Variants in ANK3 observed in about 807,000 individuals in gnomAD.
ANK3 encodes ankyrin-3.
ANK3 carries 57 observed loss-of-function variants against 370.9 expected under a neutral mutation model. The ratio of observed to expected loss-of-function variants is 0.15; its 90% CI spans 0.12 to 0.19. The LOEUF is 0.19. Among genes scored for constraint, ANK3 ranks in the 10% least tolerant of loss-of-function variants. The pLI is 1.00. For missense variants in ANK3, 4,439 were observed against 5,302.1 expected (o/e 0.84, Z 5.06); for synonymous variants, 1,929 against 1,946.3 (o/e 0.99, Z 0.23).
At chr10:60,195,715 A>C (rs2096576321) in intron 16 of ANK3, among the ~76,000 whole-genome samples, 1 of 152,250 alleles carries the variant, frequency 6.6e-6, no homozygotes, top group Non-Finnish European at 1.5e-5. Context: ...GATCCTCCTT[A>C]GCAATAATAA....
chr10:60,298,314 G>A (rs1003004921), intron 1 of ANK3, among the ~76,000 whole-genome samples: 1 of 152,052 alleles, frequency 6.6e-6, no homozygotes, highest in Non-Finnish European at 1.5e-5. Flanking sequence ...ACCACAAGCC[G>A]AACAGAAGCA....
intron 7 of ANK3, among the ~76,000 whole-genome samples, chr10:60,256,833 A>G (rs2097745497): frequency 6.6e-6 from 1 of 152,214 alleles, no homozygotes; most frequent in Non-Finnish European, 1.5e-5. Context: ...GTGGTACTCC[A>G]TAGTATATAT....
intron 1 of ANK3, among the ~76,000 whole-genome samples, chr10:60,384,662 T>C (rs945015437): frequency 7.2e-5 from 11 of 152,134 alleles, no homozygotes; most frequent in Non-Finnish European, 1.5e-4. Flanking sequence ...AAAAATACTT[T>C]CTCTTCTCAA....
intron 28 of ANK3, among the ~76,000 whole-genome samples, chr10:60,105,418 A>G (rs2132084417): frequency 6.6e-6 from 1 of 152,274 alleles, no homozygotes; most frequent in Non-Finnish European, 1.5e-5. Flanking sequence ...GACCCCAATA[A>G]TTACCCTGAA....
At chr10:60,350,830 G>T (rs1193638114) in intron 1 of ANK3, among the ~76,000 whole-genome samples, 4 of 152,154 alleles carry the variant, frequency 2.6e-5, no homozygotes, top group Non-Finnish European at 5.9e-5. Flanking sequence ...GTGGACAAAG[G>T]TAATGATGCT....
At chr10:60,262,895 C>G (rs1011082181) in intron 6 of ANK3, among the ~76,000 whole-genome samples, 12 of 152,162 alleles carry the variant, frequency 7.9e-5, no homozygotes, top group African/African-American at 2.9e-4. Context: ...TCAAGGATTC[C>G]TCATCTCTTT....
intron 8 of ANK3, among the ~76,000 whole-genome samples, chr10:60,219,227 G>T (rs1479872154): frequency 6.6e-6 from 1 of 151,852 alleles, no homozygotes; most frequent in Non-Finnish European, 1.5e-5. Context: ...TTTAGAACAT[G>T]CTCCTTTAGC....
In ANK3 at chr10:60,134,354, C is replaced by G; in HGVS notation, c.2758G>C (p.Asp920His). 3 of 1,613,480 alleles carry G rather than the reference C, an allele frequency of 1.9e-6. No homozygotes were observed. Among genetic ancestry groups the G allele is most frequent in the Non-Finnish European group, 2.5e-6 (3 of 1,179,768 alleles). ...RSASLRSFSSDRSYTLNRSSY... is the reference protein window; with the variant it reads ...RSASLRSFSSHRSYTLNRSSY... ...CTTCTGTTCAAGGTGTAAGACCTAT[C>G]CGAACTGAAGGAGCGGAGGCTGTTG... is the stretch of plus-strand genomic sequence containing the variant. The change falls in exon 25 of 44, where the codon GAT (aspartate) becomes CAT (histidine). Residue 920 changes from aspartate (D) to histidine (H), a missense_variant. Around this residue, in one of 13 missense-constraint regions of ANK3, gnomAD observed 702 missense variants for 941.5 expected, o/e 0.75. Transcript: ENST00000280772.
chr10:60,208,304 A>C, intron 9 of ANK3, 71 bp from the exon 10 acceptor site: 2 of 1,351,726 alleles, frequency 1.5e-6, no homozygotes. Context: ...CACAAAGTGC[A>C]AATATAAACA....
chr10:60,454,355 C>G (rs998090985), intron 2 of ANK3, among the ~76,000 whole-genome samples: 1 of 152,154 alleles, frequency 6.6e-6, no homozygotes, highest in African/African-American at 2.4e-5. Context: ...TAGGATGACA[C>G]TTTTCTCCTT....
intron 7 of ANK3, among the ~76,000 whole-genome samples, chr10:60,257,472 T>G (rs1330873306): frequency 6.6e-6 from 1 of 152,200 alleles, no homozygotes; most frequent in African/African-American, 2.4e-5. Context: ...ATTGAGCCTT[T>G]TGAAGTATAG....
At chr10:60,158,074 T>A (rs1032449604) in intron 23 of ANK3, among the ~76,000 whole-genome samples, 1 of 152,048 alleles carries the variant, frequency 6.6e-6, no homozygotes, top group African/African-American at 2.4e-5. Flanking sequence ...TAAGACTACC[T>A]TAAGGTATAT....
chr10:60,673,950 C>G (rs16915354), intron 1 of ANK3, among the ~76,000 whole-genome samples: 1 of 152,068 alleles, frequency 6.6e-6, no homozygotes, highest in Non-Finnish European at 1.5e-5. Context: ...TGCAAAGAGT[C>G]TTCACTGCTC....
At chr10:60,707,529 T>C (rs2079637532) in intron 1 of ANK3, among the ~76,000 whole-genome samples, 1 of 151,952 alleles carries the variant, frequency 6.6e-6, no homozygotes, top group African/African-American at 2.4e-5. Context: ...CTTGGGCCAG[T>C]GTAGAATTTT....
At chr10:60,364,189 G>C (rs2059073547) in intron 1 of ANK3, among the ~76,000 whole-genome samples, 1 of 151,530 alleles carries the variant, frequency 6.6e-6, no homozygotes, top group South Asian at 2.1e-4. Context: ...AGCTACTTGG[G>C]AGGCTGAGGC....
chr10:60,383,309 AG>A lies in ANK3; in HGVS notation c.114+6115del, dbSNP rs1246590424. Among the ~76,000 whole-genome samples the A allele has an allele frequency of 1.1e-4, 17 of 152,268 alleles. No homozygotes were observed. The East Asian group carries it at 3.1e-3, about 28-fold the overall frequency. On this transcript the variant is annotated intron_variant, in intron 1 of 43. Coordinates refer to ENST00000280772, the MANE Select transcript of ANK3 (RefSeq NM_020987.5). ...ACACTATGGCTTTTACTTTGTGCCAAGCACTGTTTTAATATTAACTCACTGA... is the reference window on the plus strand; with the variant it reads ...ACACTATGGCTTTTACTTTGTGCCAACACTGTTTTAATATTAACTCACTGA...
At chr10:60,344,511 T>TA (rs2054973595) in intron 1 of ANK3, among the ~76,000 whole-genome samples, 2 of 152,092 alleles carry the variant, frequency 1.3e-5, no homozygotes, top group South Asian at 2.1e-4. Flanking sequence ...CAAAGAGGTA[T>TA]AAAAAAGCGT....
At chr10:60,258,645 C>T (rs1197050419) in intron 7 of ANK3, among the ~76,000 whole-genome samples, 1 of 152,214 alleles carries the variant, frequency 6.6e-6, no homozygotes, top group African/African-American at 2.4e-5. Context: ...ACATCTATTG[C>T]ATGCAGGAAA....
chr10:60,628,916 T>C (rs74155629), intron 1 of ANK3, among the ~76,000 whole-genome samples: 9,906 of 152,222 alleles, frequency 0.065, 447 homozygotes, highest in African/African-American at 0.13. Flanking sequence ...TGCTAAAGGA[T>C]TGAATATATC....
Sources: allele counts gnomAD v4.1 joint callset (sites outside exome capture counted in the v4.1 genomes callset), GRCh38; gene constraint gnomAD v4.1.1; regional missense constraint gnomAD v4.1.1; transcripts MANE v1.5; gene names NCBI Gene and HGNC (gene_info 2026-07-23, HGNC 2026-07-21).